WAC: variants seen among roughly 807,000 people sequenced by gnomAD.
WAC encodes the protein WW domain containing adaptor with coiled-coil.
Under a neutral mutation model 79.6 loss-of-function variants are expected in WAC, and 11 were observed. That is an observed-to-expected ratio of 0.14 (90% CI 0.09 to 0.23). The LOEUF (loss-of-function observed/expected upper bound fraction) is 0.23. Among genes scored for constraint, WAC ranks in the 10% least tolerant of loss-of-function variants. The pLI, the probability that WAC is intolerant of heterozygous loss-of-function variation, is 1.00. For synonymous variants in WAC, 304 were observed against 276.9 expected (o/e 1.10, Z -0.97); for missense variants, 728 against 773.5 (o/e 0.94, Z 0.70).
At chr10:28,556,018 T>G (rs543758642) in intron 3 of WAC, among the ~76,000 whole-genome samples, 12 of 152,312 alleles carry the variant, frequency 7.9e-5, no homozygotes, top group African/African-American at 2.9e-4. Context: ...ACCTGGGAGA[T>G]AGTGGAGGAT....
intron 9 of WAC, 52 bp from the exon 10 acceptor site, chr10:28,611,722 T>G: frequency 1.3e-6 from 2 of 1,593,318 alleles, no homozygotes; most frequent in Non-Finnish European, 8.5e-7. Flanking sequence ...GGACTTTAGT[T>G]TTTTGTTTTG....
At chr10:28,583,264 G>T (rs902255589) in intron 3 of WAC, 135 bp from the exon 4 acceptor site, 6 of 583,060 alleles carry the variant, frequency 1.0e-5, no homozygotes, top group Admixed American at 3.4e-5. Context: ...AAGTATGACT[G>T]TGTATATATT....
intron 3 of WAC, among the ~76,000 whole-genome samples, chr10:28,540,487 G>A (rs1836950419): frequency 6.6e-6 from 1 of 152,178 alleles, no homozygotes; most frequent in Non-Finnish European, 1.5e-5. Flanking sequence ...TATTTGTGTA[G>A]TTCTAGGCGC....
intron 4 of WAC, chr10:28,589,113 A>G (rs1839969098): frequency 1.3e-5 from 2 of 152,206 alleles, no homozygotes; most frequent in Admixed American, 6.5e-5. Flanking sequence ...TTTTTGAAAG[A>G]CCATTTTTAG....
intron 3 of WAC, among the ~76,000 whole-genome samples, chr10:28,582,289 C>T (rs1839578942): frequency 6.6e-6 from 1 of 152,204 alleles, no homozygotes; most frequent in African/African-American, 2.4e-5. Context: ...CTTCCAAATC[C>T]ACATCTACTT....
At chr10:28,543,965 C>T (rs144697736) in intron 3 of WAC, among the ~76,000 whole-genome samples, 2,887 of 152,312 alleles carry the variant, frequency 0.019, 99 homozygotes, top group African/African-American at 0.066. Context: ...TCTTTGCTCA[C>T]AGCAAGCTCG....
chr10:28,574,875 T>G (rs1237477630), intron 3 of WAC, among the ~76,000 whole-genome samples: 1 of 152,162 alleles, frequency 6.6e-6, no homozygotes, highest in Non-Finnish European at 1.5e-5. Flanking sequence ...TTTCATCTCT[T>G]TTTCACTGCT....
At chr10:28,569,666 G>A (rs893523947) in intron 3 of WAC, among the ~76,000 whole-genome samples, 2 of 152,176 alleles carry the variant, frequency 1.3e-5, no homozygotes, top group Admixed American at 1.3e-4. Context: ...AGCTGTGGCT[G>A]GGCAAGGAGG....
chr10:28,543,736 CAGAGA>C (rs1837190092), intron 3 of WAC, among the ~76,000 whole-genome samples: 1 of 152,108 alleles, frequency 6.6e-6, no homozygotes, highest in Non-Finnish European at 1.5e-5. Flanking sequence ...TTAGGAAATG[CAGAGA>C]AAAGGGGAAA....
At chr10:28,562,211 C>A (rs967991027) in intron 3 of WAC, among the ~76,000 whole-genome samples, 1 of 152,058 alleles carries the variant, frequency 6.6e-6, no homozygotes, top group Non-Finnish European at 1.5e-5. Flanking sequence ...TGTGCGCAAC[C>A]ACATCTGGCT....
chr10:28,593,316 C>A (rs985993703), intron 6 of WAC, among the ~76,000 whole-genome samples: 1 of 152,030 alleles, frequency 6.6e-6, no homozygotes, highest in Non-Finnish European at 1.5e-5. Flanking sequence ...TAGAGTATGG[C>A]TTAAAGCTTG....
intron 3 of WAC, among the ~76,000 whole-genome samples, chr10:28,539,889 T>C (rs999815899): frequency 2.6e-5 from 4 of 152,272 alleles, no homozygotes; most frequent in Non-Finnish European, 5.9e-5. Flanking sequence ...GTCATTTAGC[T>C]ATATCTTTGG....
intron 3 of WAC, among the ~76,000 whole-genome samples, chr10:28,541,546 A>G (rs980190681): frequency 8.3e-5 from 12 of 145,192 alleles, no homozygotes; most frequent in Admixed American, 5.1e-4. Flanking sequence ...TTATTTGGTT[A>G]TTTGGGGCTT....
chr10:28,577,885 A>T (rs1183833477), intron 3 of WAC, among the ~76,000 whole-genome samples: 2 of 152,192 alleles, frequency 1.3e-5, no homozygotes, highest in African/African-American at 2.4e-5. Context: ...TAAGCCAGGC[A>T]TGGTGGCTCT....
intron 3 of WAC, among the ~76,000 whole-genome samples, chr10:28,564,436 A>T (rs924684354): frequency 1.3e-5 from 2 of 152,224 alleles, no homozygotes; most frequent in African/African-American, 4.8e-5. Flanking sequence ...TGGTGGTTAG[A>T]GGAGTAGTGG....
At chr10:28,539,975 G>T (rs1836920885) in intron 3 of WAC, among the ~76,000 whole-genome samples, 1 of 152,086 alleles carries the variant, frequency 6.6e-6, no homozygotes, top group Non-Finnish European at 1.5e-5. Flanking sequence ...GGAATTAGTA[G>T]GGATTATTTG....
At chr10:28,554,368 A>T (rs527472559) in intron 3 of WAC, among the ~76,000 whole-genome samples, 1 of 152,222 alleles carries the variant, frequency 6.6e-6, no homozygotes, top group African/African-American at 2.4e-5. Flanking sequence ...CAAAATGCAG[A>T]TATCTAGAAT....
chr10:28,613,924 A>G lies in WAC; in HGVS notation c.1438-643A>G, dbSNP rs567625489. ...GAAAAACTCTCATGTTGAACTTTATATGGGCCATAACTCATTTTCTGATAG... is the reference window on the plus strand; with the variant it reads ...GAAAAACTCTCATGTTGAACTTTATGTGGGCCATAACTCATTTTCTGATAG... On this transcript the variant is annotated intron_variant, in intron 10 of 13. Coordinates refer to ENST00000354911, the MANE Select transcript of WAC (RefSeq NM_016628.5). 3.5e-4 allele frequency among the ~76,000 whole-genome samples: 53 copies of G among 152,270 alleles called. No individual in the cohort carries two copies. In the East Asian group the frequency reaches 6.8e-3, roughly 19 times the overall value.
intron 3 of WAC, among the ~76,000 whole-genome samples, chr10:28,560,105 G>C (rs1838220553): frequency 1.3e-5 from 2 of 152,172 alleles, no homozygotes; most frequent in East Asian, 3.8e-4. Flanking sequence ...ACTTTGGGAG[G>C]CTGACATGGG....
Sources: gnomAD v4.1 joint callset for allele counts (sites outside exome capture counted in the v4.1 genomes callset) on GRCh38, gnomAD v4.1.1 for gene constraint, MANE v1.5 for transcripts, NCBI Gene and HGNC (gene_info 2026-07-23, HGNC 2026-07-21) for gene names.